SHISA9: variants seen among roughly 807,000 people sequenced by gnomAD.
SHISA9 encodes the protein protein shisa-9.
In SHISA9, 13 loss-of-function variants were observed where a neutral mutation model predicts 38.0. The observed-to-expected ratio is 0.34, with a 90% CI of 0.22 to 0.54. The LOEUF (loss-of-function observed/expected upper bound fraction) is 0.54. Among genes scored for constraint, SHISA9 ranks in the 20% least tolerant of loss-of-function variants. The pLI, the probability that SHISA9 is intolerant of heterozygous loss-of-function variation, is 0.91. For synonymous variants in SHISA9, 275 were observed against 242.0 expected, an observed-to-expected ratio of 1.14 and a Z score of -1.27; for missense variants, 538 against 575.8, an observed-to-expected ratio of 0.93 and a Z score of 0.67.
chr16:13,520,241 C>T, the SHISA9 span, among the ~76,000 whole-genome samples: 1 of 152,092 alleles, frequency 6.6e-6, no homozygotes, highest in Admixed American at 6.5e-5. Context: ...GGTCAGTGAG[C>T]GCACAGATCA....
At chr16:12,904,076 A>G (rs903307651) in intron 1 of SHISA9, among the ~76,000 whole-genome samples, 11 of 151,726 alleles carry the variant, frequency 7.2e-5, no homozygotes, top group African/African-American at 2.7e-4. Context: ...CTTCAAAGAA[A>G]CCCTGACCTA....
At position 13,139,406 on chromosome 16, in the gene SHISA9, C is replaced by CTTCCTTCT. The variant is rs1202179237; in HGVS notation, c.692-63981_692-63980insTTTCCTTC. Reference sequence around the variant, plus strand: ...CCTCCCTTCCTTCTTTCCTTCCTTCCTTCCTTCCTTCCTTCCTTCCTTCCT... The same window carrying CTTCCTTCT: ...CCTCCCTTCCTTCTTTCCTTCCTTCCTTCCTTCTTTCCTTCCTTCCTTCCTTCCTTCCT... On this transcript the variant is annotated intron_variant, in intron 2 of 4. Transcript: ENST00000558583. Among the ~76,000 whole-genome samples, 78 of 123,764 alleles carry CTTCCTTCT rather than the reference C, an allele frequency of 6.3e-4. No individual in the cohort carries two copies. In the East Asian group the frequency reaches 0.011, roughly 18 times the overall value. The allele number at this position is 123,764 out of a possible 152,430, so 81.2% of individuals were successfully genotyped here.
chr16:13,140,443 C>A (rs1301061485), intron 2 of SHISA9, among the ~76,000 whole-genome samples: 1 of 152,030 alleles, frequency 6.6e-6, no homozygotes, highest in African/African-American at 2.4e-5. Context: ...TCCCAAATTG[C>A]TGGGATTATA....
intron 2 of SHISA9, among the ~76,000 whole-genome samples, chr16:13,064,542 C>T (rs954581067): frequency 6.6e-6 from 1 of 151,964 alleles, no homozygotes; most frequent in African/African-American, 2.4e-5. Context: ...GCAAAATGTA[C>T]ATAAGAATTT....
chr16:13,323,489 G>C, the SHISA9 span, among the ~76,000 whole-genome samples: 12 of 152,230 alleles, frequency 7.9e-5, no homozygotes, highest in African/African-American at 2.9e-4. Context: ...TTGGATGTTT[G>C]GCTGTTTGTC....
At chr16:13,157,649 T>C (rs1270850498) in intron 2 of SHISA9, among the ~76,000 whole-genome samples, 1 of 151,994 alleles carries the variant, frequency 6.6e-6, no homozygotes, top group African/African-American at 2.4e-5. Context: ...GGGCAGCTAG[T>C]GGTGTTATCT....
chr16:13,130,408 G>A (rs1279787658), intron 2 of SHISA9, among the ~76,000 whole-genome samples: 1 of 150,904 alleles, frequency 6.6e-6, no homozygotes, highest in African/African-American at 2.4e-5. Flanking sequence ...CTAATTCTAT[G>A]TTTTTTTGTT....
At chr16:13,082,124 C>A (rs2073658007) in intron 2 of SHISA9, among the ~76,000 whole-genome samples, 1 of 152,204 alleles carries the variant, frequency 6.6e-6, no homozygotes, top group Admixed American at 6.5e-5. Flanking sequence ...GACAGTGAAG[C>A]TTACAGGGTG....
intron 2 of SHISA9, among the ~76,000 whole-genome samples, chr16:13,120,689 A>T (rs1010424050): frequency 6.6e-6 from 1 of 152,172 alleles, no homozygotes; most frequent in Non-Finnish European, 1.5e-5. Flanking sequence ...AACACCCAGG[A>T]TGCCCCGAGC....
intron 2 of SHISA9, among the ~76,000 whole-genome samples, chr16:13,145,836 C>G (rs903071488): frequency 1.1e-4 from 16 of 152,144 alleles, no homozygotes; most frequent in African/African-American, 3.6e-4. Context: ...CATCAGTAAA[C>G]AAAACACACA....
the SHISA9 span, among the ~76,000 whole-genome samples, chr16:13,436,771 T>TC: frequency 0.19 from 29,500 of 152,010 alleles, 3,135 homozygotes; most frequent in African/African-American, 0.28. Flanking sequence ...AGAGATGTTA[T>TC]CCCCCCAGGA....
intron 2 of SHISA9, among the ~76,000 whole-genome samples, chr16:12,982,057 G>A (rs1301476098): frequency 1.3e-5 from 2 of 152,136 alleles, no homozygotes; most frequent in African/African-American, 4.8e-5. Context: ...TAGACTTATG[G>A]TCGTTGAATG....
At chr16:13,517,158 G>A in the SHISA9 span, among the ~76,000 whole-genome samples, 2 of 152,204 alleles carry the variant, frequency 1.3e-5, no homozygotes, top group South Asian at 4.2e-4. Context: ...AGAGAAGAAG[G>A]CCACAAAGAA....
chr16:13,121,824 TACACACATAC>T (rs1200201528), intron 2 of SHISA9, among the ~76,000 whole-genome samples: 3 of 90,264 alleles, frequency 3.3e-5, no homozygotes, highest in African/African-American at 1.5e-4. Flanking sequence ...TAAACACCTA[TACACACATAC>T]ACACACACAC....
intron 2 of SHISA9, among the ~76,000 whole-genome samples, chr16:12,943,007 C>T (rs1002115260): frequency 2.0e-5 from 3 of 152,066 alleles, no homozygotes; most frequent in African/African-American, 7.2e-5. Flanking sequence ...GCAGGATGGT[C>T]ACCAGCAGCT....
chr16:13,050,385 G>T (rs1022580503), intron 2 of SHISA9, among the ~76,000 whole-genome samples: 1 of 152,124 alleles, frequency 6.6e-6, no homozygotes, highest in African/African-American at 2.4e-5. Flanking sequence ...AGGCTGGAGT[G>T]CTGTGGTGTG....
chr16:13,396,415 G>C, the SHISA9 span, among the ~76,000 whole-genome samples: 1 of 152,178 alleles, frequency 6.6e-6, no homozygotes, highest in African/African-American at 2.4e-5. Flanking sequence ...GCTGAGGCAC[G>C]AGAATCACTT....
chr16:13,230,862 T>C (rs1050855520), intron 4 of SHISA9, among the ~76,000 whole-genome samples: 3 of 152,200 alleles, frequency 2.0e-5, no homozygotes, highest in Admixed American at 1.3e-4. Context: ...GGTAACTTCC[T>C]GACATTGCCA....
chr16:13,388,539 G>A, the SHISA9 span, among the ~76,000 whole-genome samples: 2 of 152,044 alleles, frequency 1.3e-5, no homozygotes, highest in Non-Finnish European at 2.9e-5. Context: ...TTGACCTCAA[G>A]TGATCCACCC....
Sources: gnomAD v4.1 joint callset for allele counts (sites outside exome capture counted in the v4.1 genomes callset) on GRCh38, gnomAD v4.1.1 for gene constraint, MANE v1.5 for transcripts, NCBI Gene and HGNC (gene_info 2026-07-23, HGNC 2026-07-21) for gene names.